MAST2: variants seen among roughly 807,000 people sequenced by gnomAD.
MAST2 encodes microtubule associated serine/threonine kinase 2.
Under a neutral mutation model 147.4 loss-of-function variants are expected in MAST2, and 70 were observed. The observed-to-expected ratio is 0.47, with a 90% CI of 0.39 to 0.58. The LOEUF (loss-of-function observed/expected upper bound fraction) is 0.58. Among genes scored for constraint, MAST2 ranks in the 20% least tolerant of loss-of-function variants. MAST2 has a pLI of 0.00. For synonymous variants in MAST2, 869 were observed against 896.8 expected, an observed-to-expected ratio of 0.97 and a Z score of 0.55; for missense variants, 2,080 against 2,302.3, an observed-to-expected ratio of 0.90 and a Z score of 1.98.
At chr1:46,004,880 C>T (rs936544747) in intron 7 of MAST2, among the ~76,000 whole-genome samples, 12 of 152,098 alleles carry the variant, frequency 7.9e-5, no homozygotes, top group African/African-American at 2.9e-4. Flanking sequence ...AAAGACCAGC[C>T]TGGACAACAC....
At chr1:45,865,477 A>C (rs924793401) in intron 3 of MAST2, among the ~76,000 whole-genome samples, 1 of 152,186 alleles carries the variant, frequency 6.6e-6, no homozygotes, top group Non-Finnish European at 1.5e-5. Context: ...CCTGACCACC[A>C]TGCCTGATCT....
chr1:45,955,799 C>A (rs1395911912), intron 4 of MAST2, among the ~76,000 whole-genome samples: 1 of 152,080 alleles, frequency 6.6e-6, no homozygotes, highest in Non-Finnish European at 1.5e-5. Context: ...CCATATAATG[C>A]CTTGTAGGCC....
intron 1 of MAST2, among the ~76,000 whole-genome samples, chr1:45,814,976 T>A (rs1025108245): frequency 5.9e-5 from 9 of 152,246 alleles, no homozygotes; most frequent in African/African-American, 1.9e-4. Flanking sequence ...AGAATGTAAT[T>A]AAGAAAAATT....
intron 4 of MAST2, among the ~76,000 whole-genome samples, chr1:45,907,417 C>T (rs1293312667): frequency 6.7e-6 from 1 of 149,128 alleles, no homozygotes; most frequent in Non-Finnish European, 1.5e-5. Flanking sequence ...TCTTTAAAGT[C>T]TTAAAAATTA....
At chr1:45,910,858 T>C (rs985364718) in intron 4 of MAST2, among the ~76,000 whole-genome samples, 8 of 152,220 alleles carry the variant, frequency 5.3e-5, no homozygotes, top group Non-Finnish European at 1.0e-4. Flanking sequence ...CGTTCTGATA[T>C]AGTTGCCTCT....
intron 4 of MAST2, among the ~76,000 whole-genome samples, chr1:45,911,464 G>C (rs1164209505): frequency 1.3e-5 from 2 of 152,158 alleles, no homozygotes; most frequent in African/African-American, 4.8e-5. Flanking sequence ...GAGCAGGCTA[G>C]AAAGAATCCA....
At chr1:45,946,519 C>G (rs1018018643) in intron 4 of MAST2, among the ~76,000 whole-genome samples, 1 of 152,128 alleles carries the variant, frequency 6.6e-6, no homozygotes, top group African/African-American at 2.4e-5. Context: ...ATATCTTGGG[C>G]TTGGCATTCC....
In MAST2 at chr1:46,023,697, A is replaced by C; in HGVS notation, c.1572-75A>C. ...TGTGCATTAATTAAGGTGTGAGAGA[A>C]GGCAGTTTGGGTGGCAGAGAGCACA... On this transcript the variant is annotated intron_variant, in intron 14 of 28. Coordinates refer to ENST00000361297, the MANE Select transcript of MAST2 (RefSeq NM_015112.3). This position sits in a 1 kb window ranked among gnomAD's most constrained non-coding sequence, Gnocchi z 4.9. 11 of 1,353,472 alleles carry C rather than the reference A, an allele frequency of 8.1e-6. No individual in the cohort carries two copies. Among genetic ancestry groups the C allele is most frequent in the Non-Finnish European group, 1.1e-5 (11 of 967,178 alleles). 83.8% of individuals were successfully genotyped at this position (1,353,472 alleles called of 1,614,324 possible). A position where few individuals can be genotyped will look rare whatever the true frequency, so the allele number is the denominator to read the frequency against.
chr1:45,922,360 C>T (rs1653649004), intron 4 of MAST2, among the ~76,000 whole-genome samples: 3 of 152,236 alleles, frequency 2.0e-5, no homozygotes. Flanking sequence ...CTGTCTGCCT[C>T]CTGCTGCTGT....
intron 3 of MAST2, among the ~76,000 whole-genome samples, chr1:45,850,095 C>T (rs919103670): frequency 6.6e-5 from 10 of 152,146 alleles, no homozygotes; most frequent in African/African-American, 2.4e-4. Flanking sequence ...CTTTTATCTG[C>T]AGTCTTGCCG....
At chr1:45,835,529 T>G (rs1645078737) in intron 3 of MAST2, among the ~76,000 whole-genome samples, 1 of 152,176 alleles carries the variant, frequency 6.6e-6, no homozygotes, top group Admixed American at 6.5e-5. Context: ...TGTTGAACAT[T>G]TTATCATCAG....
intron 4 of MAST2, chr1:45,913,839 C>T (rs370913262): frequency 2.4e-6 from 3 of 1,226,998 alleles, no homozygotes; most frequent in East Asian, 7.4e-5. Flanking sequence ...AATGATGAAA[C>T]GGAGGCAAGA....
intron 5 of MAST2, 143 bp downstream of exon 5, chr1:45,959,620 T>G (rs1267946325): frequency 4.5e-6 from 3 of 668,508 alleles, no homozygotes; most frequent in Non-Finnish European, 7.7e-6. Flanking sequence ...CTCATGGGCT[T>G]GCTTTCTGTA....
rs1292870158 is a variant in MAST2 at position 46,031,482 on chromosome 1, C to T, written c.3084C>T (p.His1028=). 6.2e-7 allele frequency: 1 copy of T among 1,614,048 alleles called. No homozygotes were observed. Among genetic ancestry groups the T allele is most frequent in the Non-Finnish European group, 8.5e-7 (1 of 1,180,036 alleles). ...ACCTGGCTGTGCGTAGGGCCCGCCACCGGCTGCTCTCTGGGGACTCAACAG... is the reference window on the plus strand; with the variant it reads ...ACCTGGCTGTGCGTAGGGCCCGCCATCGGCTGCTCTCTGGGGACTCAACAG... ...ISDLAVRRAR[H]RLLSGDSTEK... Residue 1028 remains histidine (H), a synonymous_variant, in exon 24 of 29, where the codon CAC becomes CAT. Coordinates refer to ENST00000361297, the MANE Select transcript of MAST2 (RefSeq NM_015112.3). The surrounding 1 kb of genome is among the most constrained non-coding windows in gnomAD (Gnocchi z 4.1).
intron 4 of MAST2, among the ~76,000 whole-genome samples, chr1:45,890,988 TA>T (rs1169173293): frequency 6.6e-6 from 1 of 151,622 alleles, no homozygotes; most frequent in Non-Finnish European, 1.5e-5. Flanking sequence ...AAGCACATGT[TA>T]AATATTTAAC....
chr1:45,878,141 G>T (rs1646685341), intron 3 of MAST2, among the ~76,000 whole-genome samples: 2 of 151,304 alleles, frequency 1.3e-5, no homozygotes, highest in African/African-American at 4.9e-5. Context: ...GAGGCAGAGG[G>T]TGCAGTGAGC....
intron 1 of MAST2, among the ~76,000 whole-genome samples, chr1:45,808,530 C>A (rs1256115546): frequency 6.6e-6 from 1 of 152,156 alleles, no homozygotes; most frequent in Non-Finnish European, 1.5e-5. Context: ...TCTTTTACTT[C>A]TTCTCCTTTG....
At chr1:45,861,860 T>C (rs4660893) in intron 3 of MAST2, among the ~76,000 whole-genome samples, 121,202 of 152,132 alleles carry the variant, frequency 0.8, 48,759 homozygotes, top group East Asian at 0.98. Context: ...ACTCCTGAAA[T>C]TGTTCCTACA....
intron 10 of MAST2, among the ~76,000 whole-genome samples, chr1:46,012,693 A>T (rs1201095085): frequency 6.6e-6 from 1 of 152,014 alleles, no homozygotes; most frequent in Non-Finnish European, 1.5e-5. Context: ...GAAGCTAGAA[A>T]ACAGCATAAA....
Sources: allele counts gnomAD v4.1 joint callset (sites outside exome capture counted in the v4.1 genomes callset), GRCh38; gene constraint gnomAD v4.1.1; non-coding constraint Gnocchi (gnomAD v3.1); transcripts MANE v1.5; gene names NCBI Gene and HGNC (gene_info 2026-07-23, HGNC 2026-07-21).